HM13: variants seen among roughly 807,000 people sequenced by gnomAD.
HM13 encodes histocompatibility minor 13.
A neutral mutation model predicts 50.0 loss-of-function variants in HM13; 18 were observed. The ratio of observed to expected loss-of-function variants is 0.36; its 90% confidence interval spans 0.25 to 0.53. HM13 has a LOEUF of 0.53. Ranked by LOEUF, HM13 falls within the 20% of genes least tolerant of loss-of-function variation. The pLI is 0.90. For missense variants in HM13, 393 were observed against 552.4 expected (o/e 0.71, Z 2.89); for synonymous variants, 197 against 232.6 (o/e 0.85, Z 1.39).
At chr20:31,530,021 GTGGCTCACCTGTTATCCCAGTACTT>G (rs1982718587) in intron 2 of HM13, among the ~76,000 whole-genome samples, 1 of 151,920 alleles carries the variant, frequency 6.6e-6, no homozygotes, top group Non-Finnish European at 1.5e-5. Context: ...GCCTGGTGCA[GTGGCTCACCTGTTATCCCAGTACTT>G]TGGGAGGCTA....
At chr20:31,517,899 C>T (rs1981895286) in intron 1 of HM13, among the ~76,000 whole-genome samples, 2 of 151,662 alleles carry the variant, frequency 1.3e-5, no homozygotes, top group African/African-American at 4.8e-5. Flanking sequence ...GGAAGTAACC[C>T]AACTGGCTGT....
chr20:31,543,985 C>A (rs751467675), intron 3 of HM13, among the ~76,000 whole-genome samples: 32 of 152,152 alleles, frequency 2.1e-4, no homozygotes, highest in Non-Finnish European at 3.8e-4. Flanking sequence ...GACCTGGGTA[C>A]CTCCTGGCCT....
chr20:31,559,594 CCAGCTTTCTCCCA>C lies in HM13; in HGVS notation c.809-13_809-1del. 1 of 1,614,126 alleles carries C rather than the reference CCAGCTTTCTCCCA, an allele frequency of 6.2e-7. No homozygotes were observed. Reference sequence around the variant, plus strand: ...GCTGCTTCCCTGCCACTCTCTAACCCCAGCTTTCTCCCACAGGGATCTTCATTGCCTTGCTGCT... The same window carrying C: ...GCTGCTTCCCTGCCACTCTCTAACCCCAGGGATCTTCATTGCCTTGCTGCT... On this transcript the variant is annotated splice_region_variant and splice_polypyrimidine_tract_variant and intron_variant, in intron 8 of 12. Transcript: ENST00000398174.
intron 3 of HM13, chr20:31,541,373 C>G (rs1317776411): frequency 6.6e-6 from 1 of 151,614 alleles, no homozygotes; most frequent in Non-Finnish European, 1.5e-5. Flanking sequence ...CCCAACTGCT[C>G]GGTAGGCTGA....
chr20:31,538,648 G>C, intron 3 of HM13: 1 of 1,156,138 alleles, frequency 8.6e-7, no homozygotes, highest in Non-Finnish European at 1.1e-6. Context: ...GTTTCGTAAG[G>C]AGCCAGAGGC....
chr20:31,563,572 C>T (rs549836991), intron 10 of HM13, among the ~76,000 whole-genome samples: 1 of 152,240 alleles, frequency 6.6e-6, no homozygotes, highest in East Asian at 1.9e-4. Context: ...GACCTGCCCA[C>T]CTCAGCCTCC....
chr20:31,555,014 G>T (rs531010618), intron 8 of HM13, among the ~76,000 whole-genome samples, 185 bp downstream of exon 8: 12 of 152,244 alleles, frequency 7.9e-5, no homozygotes, highest in African/African-American at 2.9e-4. Flanking sequence ...CAGGTGCCAT[G>T]CCCCAAGCTG....
intron 2 of HM13, 84 bp from the exon 3 acceptor site, chr20:31,538,095 C>T: frequency 6.5e-7 from 1 of 1,549,746 alleles, no homozygotes; most frequent in Non-Finnish European, 8.8e-7. Context: ...TGAGACCAAC[C>T]TCCAGAAGAG....
intron 8 of HM13, among the ~76,000 whole-genome samples, chr20:31,555,794 C>G (rs947945153): frequency 1.3e-4 from 20 of 151,018 alleles, no homozygotes; most frequent in African/African-American, 4.4e-4. Context: ...CATAGCAAGA[C>G]CTCATCTCTA....
rs774666767 is a variant in HM13, at chr20:31,545,050, C to G, written c.454+15C>G. On this transcript the variant is annotated intron_variant, in intron 4 of 12. Transcript: ENST00000398174. ...AAACAAGGAAGGTCAGTGCTAACCA[C>G]TTTCCCCTGTAGTGTGCCTTGGGTG... The G allele has an allele frequency of 5.0e-6, 8 of 1,601,554 alleles. No individual in the cohort carries two copies. Among genetic ancestry groups the G allele is most frequent in the Non-Finnish European group, 5.1e-6 (6 of 1,168,632 alleles).
chr20:31,542,652 G>A (rs983745155), intron 3 of HM13, among the ~76,000 whole-genome samples: 2 of 152,132 alleles, frequency 1.3e-5, no homozygotes, highest in African/African-American at 4.8e-5. Flanking sequence ...ACAGGCTCGC[G>A]CTAGCCAGGT....
At chr20:31,568,318 G>T (rs1034454569) in intron 12 of HM13, 94 bp downstream of exon 12, 4 of 1,483,214 alleles carry the variant, frequency 2.7e-6, no homozygotes, top group Non-Finnish European at 2.7e-6. Flanking sequence ...ATAGGGCAGG[G>T]ACCATTGCCA....
At chr20:31,532,297 C>G (rs543540435) in intron 2 of HM13, among the ~76,000 whole-genome samples, 1 of 152,046 alleles carries the variant, frequency 6.6e-6, no homozygotes, top group South Asian at 2.1e-4. Flanking sequence ...TGGTGGCACA[C>G]GCCTGTAATC....
At chr20:31,555,931 C>T (rs138144130) in intron 8 of HM13, among the ~76,000 whole-genome samples, 471 of 151,982 alleles carry the variant, frequency 3.1e-3, no homozygotes, top group African/African-American at 0.011. Flanking sequence ...GATTGTGCCA[C>T]TGCACTTCAG....
intron 3 of HM13, chr20:31,539,338 T>C: frequency 2.0e-6 from 2 of 985,470 alleles, no homozygotes; most frequent in Non-Finnish European, 2.4e-6. Context: ...GAAACACTGA[T>C]AGACCAAGAG....
At position 31,544,992 on chromosome 20, in the gene HM13, G is replaced by A. The variant is rs746704940; in HGVS notation, c.411G>A (p.Gln137=). The part of the protein sequence containing the change: ...KFFPASFPNR[Q]YQLLFTQGSG... Reference sequence around the variant, plus strand: ...TTCCAGCCAGCTTTCCAAATCGACAGTACCAGCTGCTCTTCACACAGGGTT... The same window carrying A: ...TTCCAGCCAGCTTTCCAAATCGACAATACCAGCTGCTCTTCACACAGGGTT... Residue 137 remains glutamine, a synonymous_variant, in exon 4 of 13, where the codon CAG becomes CAA. Transcript: ENST00000398174. The A allele has an allele frequency of 2.5e-6, 4 of 1,614,202 alleles. No homozygotes were observed. Among genetic ancestry groups the A allele is most frequent in the East Asian group, 4.5e-5 (2 of 44,892 alleles).
At chr20:31,520,293 G>T (rs1020212883) in intron 1 of HM13, among the ~76,000 whole-genome samples, 49 of 151,704 alleles carry the variant, frequency 3.2e-4, no homozygotes, top group African/African-American at 1.1e-3. Context: ...TTGTTTTTTT[G>T]TTGTTGTTTT....
chr20:31,516,749 G>T (rs1981806682), intron 1 of HM13, among the ~76,000 whole-genome samples: 1 of 152,180 alleles, frequency 6.6e-6, no homozygotes, highest in Non-Finnish European at 1.5e-5. Context: ...AGCATCTCCT[G>T]CAGGGCAGCA....
chr20:31,523,790 G>A (rs1031046490), intron 1 of HM13, among the ~76,000 whole-genome samples: 3 of 152,174 alleles, frequency 2.0e-5, no homozygotes, highest in Admixed American at 6.5e-5. Flanking sequence ...CCAAGGGTTG[G>A]GAGAGAATAG....
Sources: gnomAD v4.1 joint callset for allele counts (sites outside exome capture counted in the v4.1 genomes callset) on GRCh38, gnomAD v4.1.1 for gene constraint, MANE v1.5 for transcripts, NCBI Gene and HGNC (gene_info 2026-07-23, HGNC 2026-07-21) for gene names.